UBA52: variants seen among roughly 807,000 people sequenced by gnomAD.
UBA52 encodes the protein ubiquitin A-52 residue ribosomal protein fusion product 1.
A neutral mutation model predicts 15.3 loss-of-function variants in UBA52; 1 was observed. That is an observed-to-expected ratio of 0.07 (90% confidence interval 0.02 to 0.31). The LOEUF (loss-of-function observed/expected upper bound fraction) is 0.31. Ranked by LOEUF, UBA52 falls within the 10% of genes least tolerant of loss-of-function variation. UBA52 has a pLI of 1.00. For synonymous variants in UBA52, 50 were observed against 58.3 expected, an observed-to-expected ratio of 0.86 and a Z score of 0.65; for missense variants, 87 against 168.0, an observed-to-expected ratio of 0.52 and a Z score of 2.66.
intron 2 of UBA52, 56 bp downstream of exon 2, chr19:18,573,459 C>G (rs1170278384): frequency 4.7e-6 from 7 of 1,479,948 alleles, no homozygotes; most frequent in Non-Finnish European, 6.6e-6. Context: ...CCTCTCTGCC[C>G]AGGGGAGTCT....
intron 3 of UBA52, 130 bp from the exon 4 acceptor site, chr19:18,574,740 G>T: frequency 8.5e-7 from 1 of 1,169,722 alleles, no homozygotes; most frequent in South Asian, 1.5e-5. Context: ...TAGAACACTC[G>T]GGGGATCCCG....
chr19:18,574,768 C>A, intron 3 of UBA52, 102 bp from the exon 4 acceptor site: 1 of 1,432,468 alleles, frequency 7.0e-7, no homozygotes, highest in South Asian at 1.3e-5. Context: ...GTCCCCATCA[C>A]ACTTGAGAAA....
chr19:18,570,312 T>C (rs55888366), upstream of UBA52, among the ~76,000 whole-genome samples: 76,104 of 151,372 alleles, frequency 0.5, 20,177 homozygotes, highest in East Asian at 0.67. Context: ...GCAATCCTCC[T>C]GCCTCCGAAG....
At chr19:18,574,997 G>A in intron 4 of UBA52, 25 bp downstream of exon 4, 2 of 1,614,206 alleles carry the variant, frequency 1.2e-6, no homozygotes, top group Non-Finnish European at 1.7e-6. Context: ...ATGCTTGGGG[G>A]GCTGTGGGGG....
rs1261485393 is a variant in UBA52, at chr19:18,575,118, A to G, written c.355A>G (p.Asn119Asp). The change falls in exon 5 of 5, where the codon AAC becomes GAC. Residue 119 changes from asparagine (N) to aspartate (D), a missense_variant. By Grantham distance (23) the Asn-to-Asp change is conservative. Transcript: ENST00000442744. ...NCRKKKCGHT[N>D]NLRPKKKVK ...CCGCAAGAAGAAGTGTGGTCACACC[A>G]ACAACCTGCGTCCCAAGAAGAAGGT... The G allele has an allele frequency of 3.1e-6, 5 of 1,614,152 alleles. No individual in the cohort carries two copies.
chr19:18,564,142 C>T, the UBA52 span, among the ~76,000 whole-genome samples: 5 of 151,998 alleles, frequency 3.3e-5, no homozygotes, highest in African/African-American at 1.2e-4. Context: ...GCCTTGACCT[C>T]CCAAAGCGCT....
At chr19:18,568,904 CAG>C (rs575260957), upstream of UBA52, 301 of 484,160 alleles carry the variant, frequency 6.2e-4, 1 homozygote, top group South Asian at 4.3e-3. Context: ...GGGCTGGGCA[CAG>C]GGGAATTTTT....
the UBA52 span, chr19:18,564,985 T>C: frequency 1.2e-6 from 2 of 1,609,992 alleles, no homozygotes; most frequent in South Asian, 1.1e-5. Context: ...CTAGTAGAGA[T>C]GAAACGGGAC....
upstream of UBA52, among the ~76,000 whole-genome samples, chr19:18,571,049 G>A (rs371052548): frequency 2.0e-5 from 3 of 151,030 alleles, no homozygotes; most frequent in Non-Finnish European, 4.4e-5. Flanking sequence ...AGTGGCTCAC[G>A]TCTGTAATCC....
chr19:18,565,263 T>A, the UBA52 span: 7 of 1,176,620 alleles, frequency 5.9e-6, no homozygotes, highest in East Asian at 1.6e-4. Context: ...GGAGTCTCGC[T>A]CTGTTGCCCA....
In UBA52 at chr19:18,575,646, A is replaced by C. The variant is rs1600629977; in HGVS notation, c.*496A>C. 6.1e-6 allele frequency: 1 copy of C among 164,834 alleles called. No homozygotes were observed. Among genetic ancestry groups the C allele is most frequent in the Non-Finnish European group, 1.3e-5 (1 of 75,688 alleles). The allele number at this position is 164,834 out of a possible 1,614,324, so 10.2% of individuals were successfully genotyped here. Reference sequence around the variant, plus strand: ...ACTATGTTGTCCAGGCTGGTCTTGAACTCCTGGGCTCAAGCCATCCGCCCA... The same window carrying C: ...ACTATGTTGTCCAGGCTGGTCTTGACCTCCTGGGCTCAAGCCATCCGCCCA... On this transcript the variant is annotated 3_prime_UTR_variant, in exon 5 of 5. Coordinates refer to ENST00000442744, the MANE Select transcript of UBA52 (RefSeq NM_001033930.3).
upstream of UBA52, chr19:18,568,283 A>G (rs897068727): frequency 5.4e-5 from 36 of 665,754 alleles, no homozygotes; most frequent in South Asian, 1.3e-4. Context: ...AAAAAAAAAA[A>G]GGGTCAAGTC....
upstream of UBA52, chr19:18,568,460 C>G (rs375210760): frequency 6.2e-7 from 1 of 1,613,920 alleles, no homozygotes; most frequent in African/African-American, 1.3e-5. Flanking sequence ...CACCCAGCAC[C>G]ACGACCACCA....
At chr19:18,564,908 C>T in the UBA52 span, 6 of 1,613,692 alleles carry the variant, frequency 3.7e-6, no homozygotes, top group Non-Finnish European at 5.1e-6. Flanking sequence ...TGCTGCTCAA[C>T]TTCAACAACC....
At chr19:18,573,908 T>C in intron 3 of UBA52, 160 bp downstream of exon 3, 1 of 690,778 alleles carries the variant, frequency 1.4e-6, no homozygotes, top group South Asian at 1.9e-5. Flanking sequence ...CCCGGCACTT[T>C]GGGAGGCTTA....
chr19:18,567,074 C>T (rs1233723684), upstream of UBA52: 1 of 1,560,590 alleles, frequency 6.4e-7, no homozygotes, highest in African/African-American at 1.4e-5. Context: ...GTGGCCAGCA[C>T]CAGGCCCAGC....
chr19:18,574,518 T>C (rs776686276), intron 3 of UBA52, among the ~76,000 whole-genome samples: 2 of 152,030 alleles, frequency 1.3e-5, no homozygotes, highest in Non-Finnish European at 2.9e-5. Context: ...TCTCTTAAAG[T>C]GCTAGGATTA....
In UBA52 at chr19:18,575,878, C is replaced by G. The variant is rs1975762257; in HGVS notation, c.*728C>G. 6.6e-6 allele frequency: 1 copy of G among 152,456 alleles called. No individual in the cohort carries two copies. The highest frequency in any genetic ancestry group is 1.5e-5 in the Non-Finnish European group (1 of 68,274). 9.4% of individuals were successfully genotyped at this position (152,456 alleles called of 1,614,324 possible). On this transcript the variant is annotated 3_prime_UTR_variant, in exon 5 of 5. Transcript: ENST00000442744. ...TCTCCTGCCTCAGCCTCCCGAGTAGCTGGGACTACAGGTGCCCGCCACAAC... is the reference window on the plus strand; with the variant it reads ...TCTCCTGCCTCAGCCTCCCGAGTAGGTGGGACTACAGGTGCCCGCCACAAC...
chr19:18,574,844 G>A (rs776433369), intron 3 of UBA52, 26 bp from the exon 4 acceptor site: 134 of 1,610,216 alleles, frequency 8.3e-5, no homozygotes, highest in South Asian at 2.5e-4. Flanking sequence ...GGGCTCAGTC[G>A]CCGTCCTTCT....
Sources: allele counts gnomAD v4.1 joint callset (sites outside exome capture counted in the v4.1 genomes callset), GRCh38; gene constraint gnomAD v4.1.1; transcripts MANE v1.5; gene names NCBI Gene and HGNC (gene_info 2026-07-23, HGNC 2026-07-21).